EYS: variants seen among roughly 807,000 people sequenced by gnomAD.
The protein encoded by EYS is EGF-like photoreceptor maintenance factor.
In EYS, 250 loss-of-function variants were observed where a neutral mutation model predicts 282.1. That is an observed-to-expected ratio of 0.89 (90% CI 0.80 to 0.98). The LOEUF is 0.98. Ranked by LOEUF, EYS falls within the 50% of genes least tolerant of loss-of-function variation. The pLI, the probability that EYS is intolerant of heterozygous loss-of-function variation, is 0.00. For synonymous variants in EYS, 1,355 were observed against 1,282.9 expected (o/e 1.06, Z -1.20); for missense variants, 4,016 against 3,709.0 (o/e 1.08, Z -2.15).
At chr6:64,608,792 G>T (rs1258428045) in intron 24 of EYS, among the ~76,000 whole-genome samples, 1 of 152,212 alleles carries the variant, frequency 6.6e-6, no homozygotes, top group Non-Finnish European at 1.5e-5. Context: ...TTAAGTGAAA[G>T]AAGCCAATCT....
At chr6:65,653,456 GC>G (rs1394264163) in intron 1 of EYS, among the ~76,000 whole-genome samples, 1 of 151,900 alleles carries the variant, frequency 6.6e-6, no homozygotes, top group African/African-American at 2.4e-5. Flanking sequence ...TGATTTCAGA[GC>G]CCCATTAGGA....
chr6:64,406,589 C>G (rs1436272726), intron 28 of EYS, among the ~76,000 whole-genome samples: 2 of 151,588 alleles, frequency 1.3e-5, no homozygotes, highest in Non-Finnish European at 2.9e-5. Context: ...TATCCAGAAT[C>G]TACAAAGAAC....
At chr6:63,956,281 T>A (rs1307692034) in intron 35 of EYS, among the ~76,000 whole-genome samples, 2 of 152,142 alleles carry the variant, frequency 1.3e-5, no homozygotes, top group Non-Finnish European at 2.9e-5. Context: ...CTTGTGAAAT[T>A]CCTTCTCCTA....
chr6:64,275,757 C>T (rs1014413215), intron 30 of EYS, among the ~76,000 whole-genome samples: 4 of 150,352 alleles, frequency 2.7e-5, no homozygotes, highest in African/African-American at 9.8e-5. Context: ...AGATTGAGAC[C>T]ATCCTGACTA....
rs535885152 is a variant in EYS, at chr6:64,488,429, T to A, written c.5645-49077A>T. Reference sequence around the variant, plus strand: ...AGATGTAATTGTTTACAAAGTGCTATTGTGGTTGGCACCATGGGACACCCA... The same window carrying A: ...AGATGTAATTGTTTACAAAGTGCTAATGTGGTTGGCACCATGGGACACCCA... On this transcript the variant is annotated intron_variant, in intron 26 of 42. Transcript: ENST00000503581. Among the ~76,000 whole-genome samples, 23 of 151,214 alleles carry A rather than the reference T, an allele frequency of 1.5e-4. No individual in the cohort carries two copies. The East Asian group carries it at 4.5e-3, about 29-fold the overall frequency.
At chr6:64,829,331 C>T (rs1765149610) in intron 19 of EYS, among the ~76,000 whole-genome samples, 1 of 151,974 alleles carries the variant, frequency 6.6e-6, no homozygotes, top group South Asian at 2.1e-4. Context: ...GAGGCCTGTG[C>T]ATGGACCCAA....
At chr6:65,025,416 C>A (rs971287766) in intron 13 of EYS, among the ~76,000 whole-genome samples, 2 of 152,110 alleles carry the variant, frequency 1.3e-5, no homozygotes, top group African/African-American at 4.8e-5. Flanking sequence ...AAATCTGAAT[C>A]CTTTGAGATA....
chr6:65,312,420 G>A lies in EYS; in HGVS notation c.1767-16301C>T, dbSNP rs116474996. Among the ~76,000 whole-genome samples, 1,391 of 152,100 alleles carry A rather than the reference G, an allele frequency of 9.1e-3. 23 individuals carry two copies. Among genetic ancestry groups the A allele is most frequent in the African/African-American group, 0.031 (1,275 of 41,462 alleles). ...TTAGGAAAACTATAGCTTTAGGGCC[G>A]TCACTCGCATAGGTCACTTCCATGG... On this transcript the variant is annotated intron_variant, in intron 11 of 42. Coordinates refer to ENST00000503581, the MANE Select transcript of EYS (RefSeq NM_001142800.2).
chr6:63,754,748 A>G (rs1156339973), intron 41 of EYS, among the ~76,000 whole-genome samples: 1 of 152,132 alleles, frequency 6.6e-6, no homozygotes, highest in African/African-American at 2.4e-5. Context: ...CTAGTTCTAG[A>G]TTCTTAAGGA....
chr6:65,213,310 TTTTTAGGTA>T (rs1397277085), intron 12 of EYS, among the ~76,000 whole-genome samples: 1 of 151,902 alleles, frequency 6.6e-6, no homozygotes, highest in East Asian at 1.9e-4. Context: ...TTCAAAGTTG[TTTTTAGGTA>T]TTTGCATTAA....
chr6:64,183,891 G>A (rs1188061927), intron 31 of EYS, among the ~76,000 whole-genome samples: 3 of 151,884 alleles, frequency 2.0e-5, no homozygotes, highest in Non-Finnish European at 4.4e-5. Flanking sequence ...TATTTTATGA[G>A]AAAACACTTC....
At chr6:65,537,452 TAA>T (rs1768001730) in intron 2 of EYS, among the ~76,000 whole-genome samples, 2 of 152,230 alleles carry the variant, frequency 1.3e-5, no homozygotes, top group South Asian at 2.1e-4. Context: ...CATTTATGCA[TAA>T]ACAATAATTA....
At chr6:63,784,188 G>A (rs756129300) in intron 39 of EYS, among the ~76,000 whole-genome samples, 8 of 151,890 alleles carry the variant, frequency 5.3e-5, no homozygotes, top group Non-Finnish European at 1.0e-4. Flanking sequence ...AATTATCCTG[G>A]GTCTCCAGGT....
intron 37 of EYS, among the ~76,000 whole-genome samples, chr6:63,793,916 G>T (rs1036473904): frequency 2.0e-4 from 31 of 152,150 alleles, no homozygotes; most frequent in Admixed American, 1.8e-3. Flanking sequence ...CAGTATGTGT[G>T]GGGTGATGCT....
chr6:65,175,075 G>C (rs1028049358), intron 12 of EYS, among the ~76,000 whole-genome samples: 1 of 151,216 alleles, frequency 6.6e-6, no homozygotes, highest in Non-Finnish European at 1.5e-5. Flanking sequence ...TAATGAAAAA[G>C]TCTCTTTTAT....
chr6:64,205,872 G>A (rs1381963303), intron 31 of EYS, among the ~76,000 whole-genome samples: 1 of 151,424 alleles, frequency 6.6e-6, no homozygotes, highest in Non-Finnish European at 1.5e-5. Flanking sequence ...GAGAGAGAGA[G>A]AGAAAGAAAT....
intron 33 of EYS, among the ~76,000 whole-genome samples, chr6:64,054,138 G>T (rs929532176): frequency 6.6e-6 from 1 of 152,262 alleles, no homozygotes. Flanking sequence ...GTTTACATGA[G>T]TGAAAAGGAA....
intron 12 of EYS, among the ~76,000 whole-genome samples, chr6:65,285,348 AGTATCACCTTTACATT>A (rs531931277): frequency 1.1e-3 from 167 of 152,146 alleles, no homozygotes; most frequent in Admixed American, 1.8e-3. Context: ...AGAGCAGGGC[AGTATCACCTTTACATT>A]GTAGCAAAAA....
intron 31 of EYS, among the ~76,000 whole-genome samples, chr6:64,146,399 G>A (rs1006800310): frequency 6.6e-6 from 1 of 152,136 alleles, no homozygotes; most frequent in Non-Finnish European, 1.5e-5. Context: ...ATATTTAAAA[G>A]AAATATTAGA....
Sources: gnomAD v4.1 joint callset for allele counts (sites outside exome capture counted in the v4.1 genomes callset) on GRCh38, gnomAD v4.1.1 for gene constraint, MANE v1.5 for transcripts, NCBI Gene and HGNC (gene_info 2026-07-23, HGNC 2026-07-21) for gene names.